The following ARL5A variants were observed in gnomAD, a reference collection of about 807,000 sequenced individuals.
ARL5A encodes the protein ADP-ribosylation factor-like protein 5A.
In ARL5A, 18 loss-of-function variants were observed where a neutral mutation model predicts 25.9. The observed-to-expected ratio is 0.69, with a 90% CI of 0.48 to 1.03. The LOEUF is 1.03. ARL5A is among the 50% of genes least tolerant of loss of function. The pLI is 0.00. For missense variants in ARL5A, 170 were observed against 211.9 expected (o/e 0.80, Z 1.23); for synonymous variants, 61 against 67.5 (o/e 0.90, Z 0.47).
chr2:151,811,261 A>T (rs987177609), intron 4 of ARL5A, among the ~76,000 whole-genome samples: 2 of 152,196 alleles, frequency 1.3e-5, no homozygotes, highest in African/African-American at 2.4e-5. Context: ...TCAAATCAAT[A>T]ACAAAATTAA....
At chr2:151,804,788 G>A (rs2099829880) in intron 5 of ARL5A, among the ~76,000 whole-genome samples, 2 of 152,194 alleles carry the variant, frequency 1.3e-5, no homozygotes, top group Admixed American at 1.3e-4. Flanking sequence ...AATGGGAAAA[G>A]TAGGAGTCAA....
chr2:151,825,592 T>C (rs527786270), intron 1 of ARL5A, among the ~76,000 whole-genome samples: 3 of 152,212 alleles, frequency 2.0e-5, no homozygotes, highest in Non-Finnish European at 1.5e-5. Flanking sequence ...GGTATACAAA[T>C]AGCTTTCACT....
chr2:151,827,294 A>C (rs2099833193), intron 1 of ARL5A, among the ~76,000 whole-genome samples: 1 of 152,234 alleles, frequency 6.6e-6, no homozygotes, highest in Non-Finnish European at 1.5e-5. Context: ...CAAGCCTGAT[A>C]GGTATTTCAT....
intron 3 of ARL5A, among the ~76,000 whole-genome samples, chr2:151,813,906 C>T (rs1269273127): frequency 6.6e-6 from 1 of 151,886 alleles, no homozygotes; most frequent in Non-Finnish European, 1.5e-5. Flanking sequence ...AGATGGAAGT[C>T]ATTAAAAAAA....
At position 151,812,373 on chromosome 2, in the gene ARL5A, T is replaced by G; in HGVS notation, c.323A>C (p.Lys108Thr). ...RISVTREELY[K>T]MLAHEDLRKA... Reference sequence around the variant, plus strand: ...CTTACTTACCTCATGCGCTAACATTTTATAGAGTTCTTCTCTAGTTACAGA... The same window carrying G: ...CTTACTTACCTCATGCGCTAACATTGTATAGAGTTCTTCTCTAGTTACAGA... The change falls in exon 4 of 6, where the codon AAA (lysine) becomes ACA (threonine). Residue 108 changes from lysine to threonine, a missense_variant. Lys to Thr is a moderately conservative substitution (Grantham distance 78, BLOSUM62 -1). Transcript: ENST00000295087. The G allele has an allele frequency of 6.2e-7, 1 of 1,605,014 alleles. No homozygotes were observed. The highest frequency in any genetic ancestry group is 8.5e-7 in the Non-Finnish European group (1 of 1,176,596).
intron 3 of ARL5A, 32 bp downstream of exon 3, chr2:151,814,137 T>C (rs774874812): frequency 6.6e-7 from 1 of 1,522,184 alleles, no homozygotes; most frequent in Non-Finnish European, 8.8e-7. Context: ...GCATTCTGTT[T>C]ATAGAATTTT....
intron 1 of ARL5A, among the ~76,000 whole-genome samples, chr2:151,824,726 C>T (rs372890305): frequency 6.6e-6 from 1 of 152,132 alleles, no homozygotes; most frequent in Non-Finnish European, 1.5e-5. Flanking sequence ...CCTTCTTACA[C>T]GAAGTTGTGT....
chr2:151,806,710 C>T (rs2099830164), intron 5 of ARL5A, 111 bp downstream of exon 5: 3 of 1,101,850 alleles, frequency 2.7e-6, no homozygotes, highest in Non-Finnish European at 3.8e-6. Context: ...TACGTCTGTC[C>T]CTTACGATGT....
In ARL5A at chr2:151,812,034, A is replaced by G. The variant is rs116065742; in HGVS notation, c.339+323T>C. 6.6e-3 allele frequency among the ~76,000 whole-genome samples: 998 copies of G among 152,320 alleles called. 9 individuals carry two copies. The highest frequency in any genetic ancestry group is 0.023 in the African/African-American group (944 of 41,574). ...CAGGTACTTTAAAATCTCATTTCCA[A>G]TGATAATCCTCTGTATAATTAATCT... On this transcript the variant is annotated intron_variant, in intron 4 of 5. Transcript: ENST00000295087.
intron 4 of ARL5A, among the ~76,000 whole-genome samples, chr2:151,808,764 T>C (rs2151292739): frequency 6.6e-6 from 1 of 152,278 alleles, no homozygotes; most frequent in East Asian, 1.9e-4. Flanking sequence ...AAACCATTCA[T>C]CAGCCAGGTG....
intron 1 of ARL5A, among the ~76,000 whole-genome samples, chr2:151,826,198 T>C (rs1355327068): frequency 6.6e-6 from 1 of 152,224 alleles, no homozygotes; most frequent in Non-Finnish European, 1.5e-5. Context: ...AAAGTGACCC[T>C]ATTGATAAGA....
chr2:151,814,153 T>C lies in ARL5A; in HGVS notation c.255+16A>G, dbSNP rs902462715. ...CATTCTGTTTATAGAATTTTAAATATTGTAAGAAACATTACCTCTGTGTTA... is the reference window on the plus strand; with the variant it reads ...CATTCTGTTTATAGAATTTTAAATACTGTAAGAAACATTACCTCTGTGTTA... On this transcript the variant is annotated intron_variant, in intron 3 of 5. Coordinates refer to ENST00000295087, the MANE Select transcript of ARL5A (RefSeq NM_012097.4). 2.6e-6 allele frequency: 4 copies of C among 1,549,650 alleles called. No homozygotes were observed. The highest frequency in any genetic ancestry group is 1.2e-5 in the South Asian group (1 of 80,548).
chr2:151,821,384 C>A (rs2099832281), intron 1 of ARL5A, among the ~76,000 whole-genome samples: 1 of 152,118 alleles, frequency 6.6e-6, no homozygotes, highest in Admixed American at 6.5e-5. Flanking sequence ...AGGAAAGAAA[C>A]TCCAATCAAA....
rs1240358474 is a variant in ARL5A, at chr2:151,802,618, T to C, written c.*658A>G. 6.6e-6 allele frequency: 1 copy of C among 151,552 alleles called. No homozygotes were observed. Among genetic ancestry groups the C allele is most frequent in the Non-Finnish European group, 1.5e-5 (1 of 67,776 alleles). The allele number at this position is 151,552 out of a possible 1,614,324, so 9.4% of individuals were successfully genotyped here. On this transcript the variant is annotated 3_prime_UTR_variant, in exon 6 of 6. Transcript: ENST00000295087. Reference sequence around the variant, plus strand: ...TTTTCCTTTTCCTTTTTTTTTTTTTTAAACAAGCAGCTCAGCGATTTGGGA... The same window carrying C: ...TTTTCCTTTTCCTTTTTTTTTTTTTCAAACAAGCAGCTCAGCGATTTGGGA...
intron 5 of ARL5A, 121 bp from the exon 6 acceptor site, chr2:151,803,445 T>A (rs113824020): frequency 2.8e-6 from 2 of 724,624 alleles, no homozygotes; most frequent in Admixed American, 2.3e-5. Context: ...GATTTAAAAA[T>A]CAATAATATT....
chr2:151,802,670 C>T lies in ARL5A; in HGVS notation c.*606G>A, dbSNP rs929407242. The T allele has an allele frequency of 1.3e-5, 2 of 151,118 alleles. No individual in the cohort carries two copies. Among genetic ancestry groups the T allele is most frequent in the Non-Finnish European group, 2.9e-5 (2 of 67,808 alleles). 9.4% of individuals were successfully genotyped at this position (151,118 alleles called of 1,614,324 possible). A position where few individuals can be genotyped will look rare whatever the true frequency, so the allele number is the denominator to read the frequency against. On this transcript the variant is annotated 3_prime_UTR_variant, in exon 6 of 6. Coordinates refer to ENST00000295087, the MANE Select transcript of ARL5A (RefSeq NM_012097.4). ...GTTGGTTAGTACAATACAGAGAACACAGAGAGAAAGTATAAAATGGCACTG... is the reference window on the plus strand; with the variant it reads ...GTTGGTTAGTACAATACAGAGAACATAGAGAGAAAGTATAAAATGGCACTG...
chr2:151,806,202 C>T (rs931322743), intron 5 of ARL5A, among the ~76,000 whole-genome samples: 6 of 152,156 alleles, frequency 3.9e-5, no homozygotes, highest in African/African-American at 1.4e-4. Context: ...GGGTGCTAGA[C>T]AGGGCAAACT....
At chr2:151,823,820 A>G (rs1292521337) in intron 1 of ARL5A, among the ~76,000 whole-genome samples, 1 of 152,218 alleles carries the variant, frequency 6.6e-6, no homozygotes, top group African/African-American at 2.4e-5. Context: ...AAACCAACTA[A>G]GACGGGTACT....
intron 5 of ARL5A, 104 bp from the exon 6 acceptor site, chr2:151,803,428 T>C: frequency 1.2e-6 from 1 of 804,874 alleles, no homozygotes; most frequent in Non-Finnish European, 2.1e-6. Flanking sequence ...TTTAGCTAAA[T>C]AACAAAGATT....
Sources: allele counts gnomAD v4.1 joint callset (sites outside exome capture counted in the v4.1 genomes callset), GRCh38; gene constraint gnomAD v4.1.1; transcripts MANE v1.5; gene names NCBI Gene and HGNC (gene_info 2026-07-23, HGNC 2026-07-21).